TAFA1: variants seen among roughly 807,000 people sequenced by gnomAD.
TAFA1 encodes TAFA chemokine like family member 1.
In TAFA1, 4 loss-of-function variants were observed where a neutral mutation model predicts 18.5. The observed-to-expected ratio is 0.22, with a 90% CI of 0.11 to 0.49. TAFA1 has a LOEUF of 0.49. Among genes scored for constraint, TAFA1 ranks in the 20% least tolerant of loss-of-function variants. The pLI is 0.98. For missense variants in TAFA1, 147 were observed against 169.0 expected (o/e 0.87, Z 0.72); for synonymous variants, 56 against 55.2 (o/e 1.01, Z -0.06).
At chr3:68,359,716 G>A (rs1393119229) in intron 2 of TAFA1, among the ~76,000 whole-genome samples, 3 of 151,888 alleles carry the variant, frequency 2.0e-5, no homozygotes, top group Admixed American at 6.6e-5. Flanking sequence ...AATTGGTGTT[G>A]TTTCAGGCCA....
intron 2 of TAFA1, among the ~76,000 whole-genome samples, chr3:68,332,853 C>T (rs969425188): frequency 2.0e-5 from 3 of 152,098 alleles, no homozygotes; most frequent in African/African-American, 7.2e-5. Flanking sequence ...GTGGAAGTTC[C>T]TCAAGAAATT....
At chr3:68,238,792 GCATAATTATATAAGAGAA>G (rs1225111713) in intron 2 of TAFA1, among the ~76,000 whole-genome samples, 3 of 152,062 alleles carry the variant, frequency 2.0e-5, no homozygotes, top group Non-Finnish European at 4.4e-5. Flanking sequence ...CTCAATCAAT[GCATAATTATATAAGAGAA>G]CATTTACACC....
chr3:68,388,835 T>C lies in TAFA1; in HGVS notation c.119-28445T>C, dbSNP rs2070164941. On this transcript the variant is annotated intron_variant, in intron 2 of 4. Coordinates refer to ENST00000478136, the MANE Select transcript of TAFA1 (RefSeq NM_213609.4). Reference sequence around the variant, plus strand: ...GATGGTGTTTTTAAACCTTAATAATTAGCCAACATTTCTATCATAATAGAA... The same window carrying C: ...GATGGTGTTTTTAAACCTTAATAATCAGCCAACATTTCTATCATAATAGAA... Among the ~76,000 whole-genome samples the C allele has an allele frequency of 2.0e-5, 3 of 152,192 alleles. No homozygotes were observed. The South Asian group carries it at 6.2e-4, about 31-fold the overall frequency.
chr3:68,383,580 T>C (rs907995752), intron 2 of TAFA1, among the ~76,000 whole-genome samples: 7 of 152,170 alleles, frequency 4.6e-5, no homozygotes, highest in Non-Finnish European at 5.9e-5. Flanking sequence ...GGATTCAGTT[T>C]GCTGGTGTTT....
chr3:68,370,474 A>ATG lies in TAFA1; in HGVS notation c.119-46805_119-46804insGT, dbSNP rs1227196875. Among the ~76,000 whole-genome samples the ATG allele has an allele frequency of 8.4e-4, 10 of 11,882 alleles. 1 individual carries two copies. The highest frequency in any genetic ancestry group is 4.5e-3 in the African/African-American group (9 of 2,006). 7.8% of individuals were successfully genotyped at this position (11,882 alleles called of 152,430 possible). On this transcript the variant is annotated intron_variant, in intron 2 of 4. Coordinates refer to ENST00000478136, the MANE Select transcript of TAFA1 (RefSeq NM_213609.4). The stretch of plus-strand genomic sequence containing the variant: ...TATATATGTGTGTGTGTGTGTGTGT[A>ATG]TATATATATATATATATATATATAT...
At chr3:68,383,558 C>T (rs80141414) in intron 2 of TAFA1, among the ~76,000 whole-genome samples, 2,856 of 151,980 alleles carry the variant, frequency 0.019, 84 homozygotes, top group African/African-American at 0.065. Flanking sequence ...GAAGCTCTTA[C>T]GATGTGCTGC....
At chr3:68,437,232 C>G (rs1033069863) in intron 3 of TAFA1, among the ~76,000 whole-genome samples, 2 of 152,116 alleles carry the variant, frequency 1.3e-5, no homozygotes, top group African/African-American at 4.8e-5. Context: ...AGAATGTTCC[C>G]AGCTTAATCC....
intron 2 of TAFA1, among the ~76,000 whole-genome samples, chr3:68,018,185 A>C (rs911491064): frequency 1.3e-5 from 2 of 152,196 alleles, no homozygotes; most frequent in South Asian, 4.1e-4. Context: ...ATCAGTGTAC[A>C]TTGATGATCA....
At chr3:68,292,422 A>ACC (rs1217430617) in intron 2 of TAFA1, among the ~76,000 whole-genome samples, 8 of 109,604 alleles carry the variant, frequency 7.3e-5, no homozygotes, top group Non-Finnish European at 1.0e-4. Flanking sequence ...AAAAAAAAAA[A>ACC]ACAAAAAAAA....
intron 2 of TAFA1, among the ~76,000 whole-genome samples, chr3:68,108,366 A>G (rs1037265818): frequency 6.6e-6 from 1 of 152,130 alleles, no homozygotes; most frequent in African/African-American, 2.4e-5. Context: ...TGTTTACATG[A>G]AGTAACTTTT....
At chr3:68,424,685 T>C (rs547130437) in intron 3 of TAFA1, among the ~76,000 whole-genome samples, 92 of 147,116 alleles carry the variant, frequency 6.3e-4, no homozygotes, top group African/African-American at 2.0e-3. Flanking sequence ...TCAGCAACAG[T>C]TTTTCATAGG....
intron 3 of TAFA1, among the ~76,000 whole-genome samples, chr3:68,510,150 G>C (rs2668158): frequency 0.2 from 30,735 of 151,960 alleles, 3,214 homozygotes; most frequent in Middle Eastern, 0.23. Flanking sequence ...TCCTGCTTTG[G>C]ATCACTGTCC....
chr3:68,122,489 A>G (rs1205739342), intron 2 of TAFA1, among the ~76,000 whole-genome samples: 4 of 152,236 alleles, frequency 2.6e-5, no homozygotes, highest in African/African-American at 9.6e-5. Context: ...TGAAAAGATT[A>G]TATGGATCTA....
intron 2 of TAFA1, among the ~76,000 whole-genome samples, chr3:68,210,443 C>T (rs1035456871): frequency 6.6e-6 from 1 of 152,098 alleles, no homozygotes; most frequent in Non-Finnish European, 1.5e-5. Context: ...TGGGTATAGA[C>T]TTGGGACTTA....
chr3:68,101,355 G>C lies in TAFA1; in HGVS notation c.118+94611G>C, dbSNP rs1449637726. Among the ~76,000 whole-genome samples the C allele has an allele frequency of 3.3e-5, 5 of 151,896 alleles. No individual in the cohort carries two copies. The East Asian group carries it at 7.8e-4, about 24-fold the overall frequency. On this transcript the variant is annotated intron_variant, in intron 2 of 4. Coordinates refer to ENST00000478136, the MANE Select transcript of TAFA1 (RefSeq NM_213609.4). ...TTAGGGTACATGTGCACAACGTGCA[G>C]GCTTGTTACATATGTATACATGTGC...
chr3:68,425,033 G>C (rs2106819775), intron 3 of TAFA1, among the ~76,000 whole-genome samples: 1 of 152,054 alleles, frequency 6.6e-6, no homozygotes, highest in South Asian at 2.1e-4. Context: ...TGGCCAGAGA[G>C]TACACAACTG....
intron 2 of TAFA1, among the ~76,000 whole-genome samples, chr3:68,172,284 G>T (rs766471359): frequency 5.3e-5 from 8 of 152,108 alleles, no homozygotes; most frequent in Non-Finnish European, 7.4e-5. Context: ...TGGAGGCTAG[G>T]CATGTGAAAA....
chr3:68,185,794 C>G (rs1421733932), intron 2 of TAFA1, among the ~76,000 whole-genome samples: 4 of 152,030 alleles, frequency 2.6e-5, no homozygotes, highest in African/African-American at 9.6e-5. Flanking sequence ...TGCCTTTAGT[C>G]CCAGCTACTC....
intron 2 of TAFA1, among the ~76,000 whole-genome samples, chr3:68,360,952 G>A (rs554666128): frequency 6.3e-4 from 96 of 151,930 alleles, no homozygotes; most frequent in South Asian, 3.1e-3. Flanking sequence ...TTATGATTTC[G>A]GTCTTCTGTT....
Sources: allele counts gnomAD v4.1 joint callset (sites outside exome capture counted in the v4.1 genomes callset), GRCh38; gene constraint gnomAD v4.1.1; transcripts MANE v1.5; gene names NCBI Gene and HGNC (gene_info 2026-07-23, HGNC 2026-07-21).